The following PPP6R1 variants were observed in gnomAD, a reference collection of about 807,000 sequenced individuals.
The protein encoded by PPP6R1 is serine/threonine-protein phosphatase 6 regulatory subunit 1.
Under a neutral mutation model 104.6 loss-of-function variants are expected in PPP6R1, and 39 were observed. That is an observed-to-expected ratio of 0.37 (90% CI 0.29 to 0.49). The LOEUF is 0.49. PPP6R1 is among the 20% of genes least tolerant of loss of function. PPP6R1 has a pLI of 0.98. For synonymous variants in PPP6R1, 549 were observed against 479.0 expected (o/e 1.15, Z -1.91); for missense variants, 1,181 against 1,155.8 (o/e 1.02, Z -0.32).
At chr19:55,249,090 C>T (rs781345273) in intron 1 of PPP6R1, among the ~76,000 whole-genome samples, 5 of 152,180 alleles carry the variant, frequency 3.3e-5, no homozygotes, top group East Asian at 3.9e-4. Context: ...GGGAAGAGTT[C>T]CGTGACCAAC....
chr19:55,243,728 C>T (rs946190157), intron 5 of PPP6R1, among the ~76,000 whole-genome samples: 2 of 152,182 alleles, frequency 1.3e-5, no homozygotes, highest in African/African-American at 4.8e-5. Flanking sequence ...TCACAGCTCA[C>T]TGCAGCCCTG....
At chr19:55,228,525 C>G (rs945590331), downstream of PPP6R1, 31 of 1,562,308 alleles carry the variant, frequency 2.0e-5, no homozygotes, top group Non-Finnish European at 2.6e-5. Flanking sequence ...CCCACCCCCA[C>G]CTGGGACCCC....
In PPP6R1 at chr19:55,242,234, C is replaced by T. The variant is rs1299511411; in HGVS notation, c.777G>A (p.Glu259=). The change falls in exon 7 of 24, where the codon GAG becomes GAA. Residue 259 remains glutamate, a synonymous_variant. Coordinates refer to ENST00000412770, the MANE Select transcript of PPP6R1 (RefSeq NM_014931.4). ...CACTGACGATGACAGACTGGCTCTG[C>T]TCCCCCTCGAACATGTTGCTTAAGA... ...EQLLSNMFEG[E]QSQSVIVSGI... The T allele has an allele frequency of 6.2e-7, 1 of 1,613,942 alleles. No homozygotes were observed. Among genetic ancestry groups the T allele is most frequent in the Non-Finnish European group, 8.5e-7 (1 of 1,179,886 alleles).
intron 5 of PPP6R1, among the ~76,000 whole-genome samples, chr19:55,243,276 A>G (rs1173214344): frequency 2.6e-5 from 4 of 151,882 alleles, no homozygotes; most frequent in Non-Finnish European, 5.9e-5. Context: ...AGCCAGGCGC[A>G]GTGGTAGGCG....
Position 55,241,743 on chromosome 19 carries a change from G to A in PPP6R1, c.846-104C>T, listed in dbSNP as rs755939801. Reference sequence around the variant, plus strand: ...TCTGCAGGGTCTGGAGGAAAACGAGGAGCCACATGCCCCCAGCGCCGCTCT... The same window carrying A: ...TCTGCAGGGTCTGGAGGAAAACGAGAAGCCACATGCCCCCAGCGCCGCTCT... On this transcript the variant is annotated intron_variant, in intron 7 of 23. Transcript: ENST00000412770. The surrounding 1 kb of genome is among the most constrained non-coding windows in gnomAD (Gnocchi z 5.4). 3.0e-6 allele frequency: 4 copies of A among 1,332,566 alleles called. No individual in the cohort carries two copies. The highest frequency in any genetic ancestry group is 4.0e-6 in the Non-Finnish European group (4 of 992,766). 82.5% of individuals were successfully genotyped at this position (1,332,566 alleles called of 1,614,324 possible). A position where few individuals can be genotyped will look rare whatever the true frequency, so the allele number is the denominator to read the frequency against.
In PPP6R1 at chr19:55,231,923, C is replaced by G. The variant is rs1416094410; in HGVS notation, c.2185G>C (p.Val729Leu). 2 of 1,562,604 alleles carry G rather than the reference C, an allele frequency of 1.3e-6. No homozygotes were observed. The highest frequency in any genetic ancestry group is 3.7e-5 in the Admixed American group (2 of 54,472). ...VPTDAPTSPR[V>L]SGEEELHTGP... ...GTGTGCAGCTCTTCCTCCCCGGAGA[C>G]TCGGGGGCTGGTCGGGGCATCTGTA... The change falls in exon 19 of 24, where the codon GTC becomes CTC. Residue 729 changes from valine to leucine, a missense_variant. Val to Leu is a conservative substitution (Grantham distance 32, BLOSUM62 1). Coordinates refer to ENST00000412770, the MANE Select transcript of PPP6R1 (RefSeq NM_014931.4).
At position 55,241,547 on chromosome 19, in the gene PPP6R1, C is replaced by A. The variant is rs995802266; in HGVS notation, c.938G>T (p.Ser313Ile). Residue 313 changes from serine (S) to isoleucine (I), a missense_variant, in exon 8 of 24, where the codon AGT becomes ATT. By Grantham distance (142) the Ser-to-Ile change is moderately radical. Coordinates refer to ENST00000412770, the MANE Select transcript of PPP6R1 (RefSeq NM_014931.4). The surrounding 1 kb of genome is among the most constrained non-coding windows in gnomAD (Gnocchi z 5.4). The part of the protein sequence containing the change: ...AQGALESTVS[S>I]VGALHALRPR... ...GCGTAGGGCGTGCAAGGCGCCCACA[C>A]TGGACACAGTGCTTTCCAGGGCCCC... 22 of 1,580,078 alleles carry A rather than the reference C, an allele frequency of 1.4e-5. No homozygotes were observed. Among genetic ancestry groups the A allele is most frequent in the Admixed American group, 1.8e-5 (1 of 54,666 alleles).
At chr19:55,240,686 T>G (rs978001149) in intron 10 of PPP6R1, among the ~76,000 whole-genome samples, 5 of 152,032 alleles carry the variant, frequency 3.3e-5, no homozygotes, top group Non-Finnish European at 5.9e-5. Context: ...TGCGCACTCA[T>G]GCACACTCAG....
Position 55,245,551 on chromosome 19 carries a change from G to A in PPP6R1, c.355C>T (p.Leu119=). The part of the protein sequence containing the change: ...FLQSTGSLNP[L]LASFFSKVMG... ...ACCTTGCTGAAGAAGCTGGCCAGCAGTGGGTTGAGGCTGCCGGTGCTCTGC... is the reference window on the plus strand; with the variant it reads ...ACCTTGCTGAAGAAGCTGGCCAGCAATGGGTTGAGGCTGCCGGTGCTCTGC... Residue 119 remains leucine (L), a synonymous_variant, in exon 3 of 24, where the codon CTG becomes TTG. Transcript: ENST00000412770. This position sits in a 1 kb window ranked among gnomAD's most constrained non-coding sequence, Gnocchi z 6.4. The A allele has an allele frequency of 6.2e-7, 1 of 1,611,820 alleles. No homozygotes were observed. The highest frequency in any genetic ancestry group is 8.5e-7 in the Non-Finnish European group (1 of 1,179,042).
intron 1 of PPP6R1, among the ~76,000 whole-genome samples, chr19:55,250,439 C>T (rs1185807848): frequency 6.6e-6 from 1 of 152,162 alleles, no homozygotes; most frequent in Admixed American, 6.5e-5. Flanking sequence ...AGCGAGTTCC[C>T]GCTGAGCCGG....
chr19:55,231,661 C>T lies in PPP6R1; in HGVS notation c.2314G>A (p.Asp772Asn). ...TGAGGTGCTGAGGGGGGTGTGGGGT[C>T]CTGAGACCTGGTAGGCGAGAGAGGC... ...ARDALQLRSQ[D>N]PTPPSAPQEA... is the part of the protein sequence containing the mutation. The change falls in exon 20 of 24, where the codon GAC becomes AAC. Residue 772 changes from aspartate (D) to asparagine (N), a missense_variant. This residue lies in a region of PPP6R1 where 1,042 missense variants were observed against 955.6 expected (regional missense o/e 1.09). Coordinates refer to ENST00000412770, the MANE Select transcript of PPP6R1 (RefSeq NM_014931.4). The T allele has an allele frequency of 6.2e-7, 1 of 1,605,930 alleles. No individual in the cohort carries two copies. The highest frequency in any genetic ancestry group is 8.5e-7 in the Non-Finnish European group (1 of 1,175,944).
intron 1 of PPP6R1, 153 bp from the exon 2 acceptor site, chr19:55,247,262 G>A: frequency 1.4e-6 from 1 of 726,284 alleles, no homozygotes; most frequent in Non-Finnish European, 2.3e-6. Flanking sequence ...CCCCGCCCCG[G>A]GACTGCCCGC....
At position 55,239,871 on chromosome 19, in the gene PPP6R1, T is replaced by A. The variant is rs1293681379; in HGVS notation, c.1518A>T (p.Val506=). Residue 506 remains valine, a synonymous_variant, in exon 13 of 24, where the codon GTA becomes GTT. Transcript: ENST00000412770. The part of the protein sequence containing the change: ...SEQQEQWEAF[V]SGPLAETNKK... ...TGTTGGTCTCCGCCAGGGGCCCCGA[T>A]ACGAAGGCTTCCCACTGCTCCTGCT... The A allele has an allele frequency of 6.2e-7, 1 of 1,613,874 alleles. No individual in the cohort carries two copies. The highest frequency in any genetic ancestry group is 8.5e-7 in the Non-Finnish European group (1 of 1,179,846).
intron 1 of PPP6R1, among the ~76,000 whole-genome samples, chr19:55,249,929 T>C (rs1424156995): frequency 1.3e-5 from 2 of 151,938 alleles, no homozygotes; most frequent in African/African-American, 2.4e-5. Flanking sequence ...ATCCAGGCTC[T>C]CGTGCCCCTG....
Position 55,230,807 on chromosome 19 carries a change from C to G in PPP6R1, c.2537G>C (p.Ser846Thr). ...TTGGGGAAGCCCCAAGGGCTCTGGGCTCTTCTCCCCTTCTGTGGTCTGGGG... is the reference window on the plus strand; with the variant it reads ...TTGGGGAAGCCCCAAGGGCTCTGGGGTCTTCTCCCCTTCTGTGGTCTGGGG... ...QPPQTTEGEK[S>T]PEPLGLPQSQ... Residue 846 changes from serine to threonine, a missense_variant, in exon 22 of 24, where the codon AGC (serine) becomes ACC (threonine). This residue lies in a region of PPP6R1 where 1,042 missense variants were observed against 955.6 expected (regional missense o/e 1.09). Coordinates refer to ENST00000412770, the MANE Select transcript of PPP6R1 (RefSeq NM_014931.4). 1 of 1,466,036 alleles carries G rather than the reference C, an allele frequency of 6.8e-7. No individual in the cohort carries two copies. The highest frequency in any genetic ancestry group is 9.1e-7 in the Non-Finnish European group (1 of 1,094,326). 90.8% of individuals were successfully genotyped at this position (1,466,036 alleles called of 1,614,324 possible).
chr19:55,238,380 C>T (rs2087418057), intron 15 of PPP6R1, among the ~76,000 whole-genome samples: 1 of 152,232 alleles, frequency 6.6e-6, no homozygotes, highest in East Asian at 1.9e-4. Flanking sequence ...TATCCCTCAT[C>T]GTGGTGTCCC....
chr19:55,241,468 AC>A lies in PPP6R1; in HGVS notation c.1008+8del, dbSNP rs770243968. 6 of 1,598,986 alleles carry A rather than the reference AC, an allele frequency of 3.8e-6. No homozygotes were observed. The South Asian group carries it at 4.5e-5, about 12-fold the overall frequency. On this transcript the variant is annotated splice_region_variant and intron_variant, in intron 8 of 23. Transcript: ENST00000412770. The surrounding 1 kb of genome is among the most constrained non-coding windows in gnomAD (Gnocchi z 5.4). ...CGCCTCCCCGAGGACCAGAACCCAC[AC>A]CCCTGACCTTGGGAGGCTCCAGCAG...
intron 1 of PPP6R1, among the ~76,000 whole-genome samples, chr19:55,252,307 G>A (rs1218516591): frequency 6.6e-6 from 1 of 151,640 alleles, no homozygotes; most frequent in African/African-American, 2.4e-5. Context: ...TCGGCTCACC[G>A]CAACCTCCAG....
intron 1 of PPP6R1, among the ~76,000 whole-genome samples, chr19:55,254,459 C>G (rs1168375996): frequency 1.3e-5 from 2 of 152,188 alleles, no homozygotes; most frequent in Non-Finnish European, 2.9e-5. Context: ...CCTTCCTTCC[C>G]CTGCTTGGAC....
Sources: allele counts gnomAD v4.1 joint callset (sites outside exome capture counted in the v4.1 genomes callset), GRCh38; gene constraint gnomAD v4.1.1; regional missense constraint gnomAD v4.1.1; non-coding constraint Gnocchi (gnomAD v3.1); transcripts MANE v1.5; gene names NCBI Gene and HGNC (gene_info 2026-07-23, HGNC 2026-07-21).